PLEKHM2: variants seen among roughly 807,000 people sequenced by gnomAD.
The protein encoded by PLEKHM2 is pleckstrin homology and RUN domain containing M2.
Under a neutral mutation model 116.3 loss-of-function variants are expected in PLEKHM2, and 77 were observed. The ratio of observed to expected loss-of-function variants is 0.66; its 90% CI spans 0.55 to 0.80. The LOEUF (loss-of-function observed/expected upper bound fraction) is 0.80. Among genes scored for constraint, PLEKHM2 ranks in the 30% least tolerant of loss-of-function variants. PLEKHM2 has a pLI of 0.00. For synonymous variants in PLEKHM2, 562 were observed against 571.0 expected (o/e 0.98, Z 0.22); for missense variants, 1,183 against 1,354.9 (o/e 0.87, Z 1.99).
At chr1:15,688,670 A>T (rs1029743637) in intron 1 of PLEKHM2, among the ~76,000 whole-genome samples, 1 of 151,556 alleles carries the variant, frequency 6.6e-6, no homozygotes, top group African/African-American at 2.4e-5. Context: ...AAAAAAAAGG[A>T]AATGATAACA....
chr1:15,717,507 G>C (rs895996960), intron 3 of PLEKHM2, among the ~76,000 whole-genome samples: 2 of 152,196 alleles, frequency 1.3e-5, no homozygotes, highest in Admixed American at 6.5e-5. Context: ...TTTTGGCACA[G>C]CAGTGATGGG....
chr1:15,706,716 AT>A (rs1458959166), intron 1 of PLEKHM2, among the ~76,000 whole-genome samples: 2 of 151,580 alleles, frequency 1.3e-5, no homozygotes, highest in Non-Finnish European at 2.9e-5. Context: ...TTTTGTATTT[AT>A]TTTTTTCCCT....
chr1:15,688,488 C>G (rs1330560485), intron 1 of PLEKHM2, among the ~76,000 whole-genome samples: 1 of 151,930 alleles, frequency 6.6e-6, no homozygotes, highest in East Asian at 1.9e-4. Context: ...CCCATCTCTA[C>G]CAAAAATACA....
rs900779211 is a variant in PLEKHM2 at position 15,727,860 on chromosome 1, A to G, written c.1760+28A>G. 8 of 1,489,714 alleles carry G rather than the reference A, an allele frequency of 5.4e-6. No individual in the cohort carries two copies. In the African/African-American group the frequency reaches 1.1e-4, roughly 21 times the overall value. The allele number at this position is 1,489,714 out of a possible 1,614,324, so 92.3% of individuals were successfully genotyped here. A position where few individuals can be genotyped will look rare whatever the true frequency, so the allele number is the denominator to read the frequency against. On this transcript the variant is annotated intron_variant, in intron 9 of 19. Coordinates refer to ENST00000375799, the MANE Select transcript of PLEKHM2 (RefSeq NM_015164.4). The surrounding 1 kb of genome is among the most constrained non-coding windows in gnomAD (Gnocchi z 7.5). Reference sequence around the variant, plus strand: ...AACAAGACTCTGCAGCTGGCATGGGACTCTCCCAGCCCTTGAAGCTGGGGA... The same window carrying G: ...AACAAGACTCTGCAGCTGGCATGGGGCTCTCCCAGCCCTTGAAGCTGGGGA...
Position 15,728,033 on chromosome 1 carries a change from ACC to A in PLEKHM2, c.1761-45_1761-44del, listed in dbSNP as rs755934973. 1.3e-6 allele frequency: 2 copies of A among 1,510,916 alleles called. No individual in the cohort carries two copies. The highest frequency in any genetic ancestry group is 1.4e-5 in the African/African-American group (1 of 72,668). The allele number at this position is 1,510,916 out of a possible 1,614,324, so 93.6% of individuals were successfully genotyped here. ...TCTGGGGTGGGGTGTGGCCTCTCTC[ACC>A]GCTGCCTGCCTGACATCTCGCCCTC... On this transcript the variant is annotated intron_variant, in intron 9 of 19. Coordinates refer to ENST00000375799, the MANE Select transcript of PLEKHM2 (RefSeq NM_015164.4). The surrounding 1 kb of genome is among the most constrained non-coding windows in gnomAD (Gnocchi z 5.9).
At chr1:15,694,947 G>T (rs191679152) in intron 1 of PLEKHM2, among the ~76,000 whole-genome samples, 2 of 152,066 alleles carry the variant, frequency 1.3e-5, no homozygotes, top group Admixed American at 1.3e-4. Flanking sequence ...TAGTAGAGAC[G>T]GGGTTTCATC....
In PLEKHM2 at chr1:15,728,594, G is replaced by A; in HGVS notation, c.1922-75G>A. ...GAGAGGCCCTCTAAGAGAGGGGGCT[G>A]TGTCTAAGAAAATGGGGCAGGGGGA... On this transcript the variant is annotated intron_variant, in intron 11 of 19. Coordinates refer to ENST00000375799, the MANE Select transcript of PLEKHM2 (RefSeq NM_015164.4). This position sits in a 1 kb window ranked among gnomAD's most constrained non-coding sequence, Gnocchi z 5.9. The A allele has an allele frequency of 3.0e-6, 4 of 1,324,052 alleles. No individual in the cohort carries two copies. The highest frequency in any genetic ancestry group is 4.3e-6 in the Non-Finnish European group (4 of 937,670). 82.0% of individuals were successfully genotyped at this position (1,324,052 alleles called of 1,614,324 possible). A position where few individuals can be genotyped will look rare whatever the true frequency, so the allele number is the denominator to read the frequency against.
At position 15,708,286 on chromosome 1, in the gene PLEKHM2, A is replaced by T. The variant is rs1013215816; in HGVS notation, c.61-7951A>T. ...GGCTGGAGTGCAGTGGCACGATCTC[A>T]GCTCATTGCAACCTCCACCTCCCTG... On this transcript the variant is annotated intron_variant, in intron 1 of 19. Coordinates refer to ENST00000375799, the MANE Select transcript of PLEKHM2 (RefSeq NM_015164.4). Among the ~76,000 whole-genome samples, 4 of 151,512 alleles carry T rather than the reference A, an allele frequency of 2.6e-5. No individual in the cohort carries two copies. The East Asian group carries it at 7.7e-4, about 29-fold the overall frequency.
intron 1 of PLEKHM2, among the ~76,000 whole-genome samples, chr1:15,710,227 CAAA>C (rs377012331): frequency 4.0e-4 from 30 of 74,156 alleles, no homozygotes; most frequent in Admixed American, 9.7e-4. Context: ...ACTCCATCTC[CAAA>C]AAAAAAAAAA....
intron 3 of PLEKHM2, 101 bp downstream of exon 3, chr1:15,716,917 G>T: frequency 1.4e-6 from 2 of 1,435,522 alleles, no homozygotes; most frequent in Non-Finnish European, 1.9e-6. Context: ...AGCCCTGGGA[G>T]GCAAATTACC....
At position 15,719,988 on chromosome 1, in the gene PLEKHM2, C is replaced by A; in HGVS notation, c.652+68C>A. On this transcript the variant is annotated intron_variant, in intron 6 of 19. Coordinates refer to ENST00000375799, the MANE Select transcript of PLEKHM2 (RefSeq NM_015164.4). The surrounding 1 kb of genome is among the most constrained non-coding windows in gnomAD (Gnocchi z 4.1). ...ACAGACTTGAACTGCTTAAGCCTGG[C>A]TGGGTGATGTCTTCCTTGGCTAGTT... is the stretch of plus-strand genomic sequence containing the variant. The A allele has an allele frequency of 7.7e-7, 1 of 1,294,714 alleles. No homozygotes were observed. Among genetic ancestry groups the A allele is most frequent in the Non-Finnish European group, 1.1e-6 (1 of 939,674 alleles). 80.2% of individuals were successfully genotyped at this position (1,294,714 alleles called of 1,614,324 possible).
In PLEKHM2 at chr1:15,728,822, C is replaced by A. The variant is rs879031989; in HGVS notation, c.1986+89C>A. 9.3e-6 allele frequency: 11 copies of A among 1,187,932 alleles called. No homozygotes were observed. The South Asian group carries it at 1.2e-4, about 13-fold the overall frequency. The allele number at this position is 1,187,932 out of a possible 1,614,324, so 73.6% of individuals were successfully genotyped here. On this transcript the variant is annotated intron_variant, in intron 12 of 19. Transcript: ENST00000375799. This position sits in a 1 kb window ranked among gnomAD's most constrained non-coding sequence, Gnocchi z 5.9. ...ATAGAACTGCAGGGCGAGGCACGGC[C>A]CCTTACTCCCCTCCCGGGGTTGGGC...
intron 1 of PLEKHM2, among the ~76,000 whole-genome samples, chr1:15,687,551 T>A (rs983218934): frequency 6.6e-6 from 1 of 152,160 alleles, no homozygotes; most frequent in African/African-American, 2.4e-5. Flanking sequence ...CATTCCTCAA[T>A]TTTACAAGGT....
rs2067959680 is a variant in PLEKHM2 at position 15,719,525 on chromosome 1, T to C, written c.466-209T>C. On this transcript the variant is annotated intron_variant, in intron 5 of 19. Transcript: ENST00000375799. This position sits in a 1 kb window ranked among gnomAD's most constrained non-coding sequence, Gnocchi z 4.1. ...AAGGGTGTAGCTGAGTTCTGACAGC[T>C]CTGTCTTCCATCAGCCTGAAGTCCA... Among the ~76,000 whole-genome samples, 1 of 152,188 alleles carries C rather than the reference T, an allele frequency of 6.6e-6. No homozygotes were observed. The highest frequency in any genetic ancestry group is 2.1e-4 in the South Asian group (1 of 4,830).
chr1:15,721,291 G>A lies in PLEKHM2; in HGVS notation c.653-38G>A, dbSNP rs2067993553. ...CCCTCCAGTCATCCTTCCACTGCCT[G>A]TGTTTCTAATCTTCAGTTTTGTCCC... On this transcript the variant is annotated intron_variant, in intron 6 of 19. Transcript: ENST00000375799. This position sits in a 1 kb window ranked among gnomAD's most constrained non-coding sequence, Gnocchi z 5.1. 1 of 1,370,354 alleles carries A rather than the reference G, an allele frequency of 7.3e-7. No homozygotes were observed. The highest frequency in any genetic ancestry group is 1.0e-6 in the Non-Finnish European group (1 of 983,970). The allele number at this position is 1,370,354 out of a possible 1,614,324, so 84.9% of individuals were successfully genotyped here. A position where few individuals can be genotyped will look rare whatever the true frequency, so the allele number is the denominator to read the frequency against.
At chr1:15,686,704 A>AGT (rs1640779064) in intron 1 of PLEKHM2, among the ~76,000 whole-genome samples, 1 of 148,122 alleles carries the variant, frequency 6.8e-6, no homozygotes, top group African/African-American at 2.6e-5. Flanking sequence ...GTTAGAATGC[A>AGT]GTGGCCTGAT....
intron 1 of PLEKHM2, among the ~76,000 whole-genome samples, chr1:15,700,803 C>T (rs16851962): frequency 0.027 from 4,106 of 152,226 alleles, 194 homozygotes; most frequent in African/African-American, 0.093. Flanking sequence ...TGATTTATTC[C>T]TTGGATCACA....
intron 1 of PLEKHM2, among the ~76,000 whole-genome samples, chr1:15,695,975 T>G (rs1001275296): frequency 6.5e-5 from 5 of 76,764 alleles, no homozygotes; most frequent in African/African-American, 2.9e-4. Flanking sequence ...ACTAATTTTT[T>G]CTATATTTTT....
chr1:15,698,398 T>C (rs996887189), intron 1 of PLEKHM2, among the ~76,000 whole-genome samples: 2 of 151,860 alleles, frequency 1.3e-5, no homozygotes, highest in African/African-American at 4.8e-5. Flanking sequence ...GGGACAGGGG[T>C]CTTGCTATGT....
Sources: gnomAD v4.1 joint callset for allele counts (sites outside exome capture counted in the v4.1 genomes callset) on GRCh38, gnomAD v4.1.1 for gene constraint, Gnocchi (gnomAD v3.1) non-coding constraint, MANE v1.5 for transcripts, NCBI Gene and HGNC (gene_info 2026-07-23, HGNC 2026-07-21) for gene names.